NR3C2: variants seen among roughly 807,000 people sequenced by gnomAD.
The protein encoded by NR3C2 is mineralocorticoid receptor.
Under a neutral mutation model 86.4 loss-of-function variants are expected in NR3C2, and 15 were observed. The ratio of observed to expected loss-of-function variants is 0.17; its 90% CI spans 0.12 to 0.27. The LOEUF is 0.27. Among genes scored for constraint, NR3C2 ranks in the 10% least tolerant of loss-of-function variants. The pLI, the probability that NR3C2 is intolerant of heterozygous loss-of-function variation, is 1.00. For missense variants in NR3C2, 960 were observed against 1,195.6 expected (o/e 0.80, Z 2.91); for synonymous variants, 458 against 450.5 (o/e 1.02, Z -0.21).
At chr4:148,153,163 C>G (rs1282639940) in intron 5 of NR3C2, among the ~76,000 whole-genome samples, 3 of 152,096 alleles carry the variant, frequency 2.0e-5, no homozygotes, top group African/African-American at 7.2e-5. Context: ...CTGACAGACT[C>G]AAGCTCTTCT....
At chr4:148,201,588 C>T (rs2149808708) in intron 3 of NR3C2, among the ~76,000 whole-genome samples, 1 of 152,306 alleles carries the variant, frequency 6.6e-6, no homozygotes, top group Admixed American at 6.5e-5. Context: ...AACACCATTG[C>T]TACAGACATC....
In NR3C2 at chr4:148,080,371, A is replaced by G. The variant is rs1295223173; in HGVS notation, c.*973T>C. 6.5e-6 allele frequency: 1 copy of G among 152,682 alleles called. No individual in the cohort carries two copies. The highest frequency in any genetic ancestry group is 2.4e-5 in the African/African-American group (1 of 41,468). The allele number at this position is 152,682 out of a possible 1,614,324, so 9.5% of individuals were successfully genotyped here. The stretch of plus-strand genomic sequence containing the variant: ...ACTGTAAAATAATGGTAAATTAGAT[A>G]TGAAGCTAAAAAAGGCACAGCTTTC... On this transcript the variant is annotated 3_prime_UTR_variant, in exon 9 of 9. Transcript: ENST00000358102.
At chr4:148,443,955 G>C (rs1486764692), upstream of NR3C2, 3 of 976,706 alleles carry the variant, frequency 3.1e-6, no homozygotes, top group African/African-American at 5.3e-5. Flanking sequence ...AGCTGGTCCT[G>C]ACCCCAGACT....
chr4:148,252,537 T>TA (rs1739628346), intron 3 of NR3C2, among the ~76,000 whole-genome samples: 1 of 152,210 alleles, frequency 6.6e-6, no homozygotes, highest in African/African-American at 2.4e-5. Flanking sequence ...ATGGGAGAGT[T>TA]ACTTTTTAAA....
At chr4:148,214,530 T>C (rs148234326) in intron 3 of NR3C2, among the ~76,000 whole-genome samples, 369 of 152,338 alleles carry the variant, frequency 2.4e-3, no homozygotes, top group African/African-American at 8.2e-3. Context: ...GCCATTCAGA[T>C]GGACAACTGA....
intron 8 of NR3C2, among the ~76,000 whole-genome samples, chr4:148,090,746 A>T (rs1375892871): frequency 6.6e-6 from 1 of 152,084 alleles, no homozygotes; most frequent in Admixed American, 6.5e-5. Flanking sequence ...CCCAGACACT[A>T]CTCAATAACA....
Position 148,079,957 on chromosome 4 carries a change from A to T in NR3C2, c.*1387T>A, listed in dbSNP as rs1348533060. 1 of 152,152 alleles carries T rather than the reference A, an allele frequency of 6.6e-6. No homozygotes were observed. The highest frequency in any genetic ancestry group is 1.5e-5 in the Non-Finnish European group (1 of 68,032). 9.4% of individuals were successfully genotyped at this position (152,152 alleles called of 1,614,324 possible). The stretch of plus-strand genomic sequence containing the variant: ...AATAGCTGATCTTTAACAGAGAGAG[A>T]GTGCATGGAATTTTTTTTTCCCACA... On this transcript the variant is annotated 3_prime_UTR_variant, in exon 9 of 9. Coordinates refer to ENST00000358102, the MANE Select transcript of NR3C2 (RefSeq NM_000901.5).
intron 2 of NR3C2, among the ~76,000 whole-genome samples, chr4:148,339,672 A>G (rs1744659432): frequency 6.6e-6 from 1 of 152,116 alleles, no homozygotes; most frequent in African/African-American, 2.4e-5. Flanking sequence ...AGAGAGAGGA[A>G]AAAAAAGTCC....
intron 2 of NR3C2, among the ~76,000 whole-genome samples, chr4:148,317,432 G>A (rs370821925): frequency 4.6e-5 from 7 of 151,372 alleles, no homozygotes; most frequent in African/African-American, 1.7e-4. Flanking sequence ...TAAAAATTAA[G>A]ACAATGCCAT....
chr4:148,130,379 T>C (rs1202531268), intron 6 of NR3C2, among the ~76,000 whole-genome samples: 2 of 152,244 alleles, frequency 1.3e-5, no homozygotes, highest in African/African-American at 4.8e-5. Flanking sequence ...AAACGTAAGA[T>C]CCTTTAGTAA....
At chr4:148,213,730 A>G (rs1234055445) in intron 3 of NR3C2, among the ~76,000 whole-genome samples, 1 of 152,240 alleles carries the variant, frequency 6.6e-6, no homozygotes, top group Non-Finnish European at 1.5e-5. Flanking sequence ...GGGGCATGCA[A>G]CGTTCTCAGA....
At chr4:148,407,528 T>C (rs968320523) in intron 2 of NR3C2, among the ~76,000 whole-genome samples, 1 of 152,188 alleles carries the variant, frequency 6.6e-6, no homozygotes, top group Non-Finnish European at 1.5e-5. Flanking sequence ...ATTCTTCAAA[T>C]AAAACAGTGT....
At chr4:148,244,582 C>T (rs1739227934) in intron 3 of NR3C2, among the ~76,000 whole-genome samples, 1 of 152,184 alleles carries the variant, frequency 6.6e-6, no homozygotes, top group Admixed American at 6.6e-5. Context: ...AGATGAGTTT[C>T]ACTATGCAAT....
chr4:148,247,191 T>A (rs568596941), intron 3 of NR3C2, among the ~76,000 whole-genome samples: 4 of 152,296 alleles, frequency 2.6e-5, no homozygotes, highest in African/African-American at 7.2e-5. Context: ...CGATGGGAAA[T>A]GTAATTTGCT....
chr4:148,296,121 C>T (rs1742042775), intron 2 of NR3C2, among the ~76,000 whole-genome samples: 1 of 149,332 alleles, frequency 6.7e-6, no homozygotes, highest in Non-Finnish European at 1.5e-5. Context: ...CTTAGGAAGG[C>T]CATAAAATAT....
In NR3C2 at chr4:148,436,207, G is replaced by A; in HGVS notation, c.654C>T (p.Ala218=). The change falls in exon 2 of 9, where the codon GCC becomes GCT. Residue 218 remains alanine (A), a synonymous_variant. Transcript: ENST00000358102. Reference sequence around the variant, plus strand: ...TGTGCACTGGAAAACTGCCAAAGCTGGCTGTGGTGGAGGACACAGAGTTGA... The same window carrying A: ...TGTGCACTGGAAAACTGCCAAAGCTAGCTGTGGTGGAGGACACAGAGTTGA... ...AGINSVSSTT[A]SFGSFPVHSP... 1 of 1,614,194 alleles carries A rather than the reference G, an allele frequency of 6.2e-7. No homozygotes were observed. The highest frequency in any genetic ancestry group is 1.1e-5 in the South Asian group (1 of 91,080).
At chr4:148,306,425 GT>G (rs1318213898) in intron 2 of NR3C2, among the ~76,000 whole-genome samples, 1 of 152,158 alleles carries the variant, frequency 6.6e-6, no homozygotes, top group African/African-American at 2.4e-5. Context: ...ATGTCGGAGG[GT>G]AAGTCTATCC....
At chr4:148,200,778 G>T (rs1736680916) in intron 3 of NR3C2, among the ~76,000 whole-genome samples, 1 of 152,080 alleles carries the variant, frequency 6.6e-6, no homozygotes, top group Non-Finnish European at 1.5e-5. Context: ...AGCTGTTATC[G>T]CTGTATTTCT....
chr4:148,421,907 ACT>A (rs1004203800), intron 2 of NR3C2, among the ~76,000 whole-genome samples: 2 of 152,088 alleles, frequency 1.3e-5, no homozygotes, highest in Non-Finnish European at 2.9e-5. Flanking sequence ...ATGAAATTAT[ACT>A]CTCTCATAAA....
Sources: allele counts gnomAD v4.1 joint callset (sites outside exome capture counted in the v4.1 genomes callset), GRCh38; gene constraint gnomAD v4.1.1; transcripts MANE v1.5; gene names NCBI Gene and HGNC (gene_info 2026-07-23, HGNC 2026-07-21).